EVC2: variants seen among roughly 807,000 people sequenced by gnomAD.
EVC2 encodes limbin.
Under a neutral mutation model 149.3 loss-of-function variants are expected in EVC2, and 148 were observed. That is an observed-to-expected ratio of 0.99 (90% CI 0.87 to 1.14). The LOEUF (loss-of-function observed/expected upper bound fraction) is 1.14, where lower values mean the gene tolerates loss of function less well. Among genes scored for constraint, EVC2 ranks in the 50% most tolerant of loss-of-function variants. EVC2 has a pLI of 0.00. For missense variants in EVC2, 1,854 were observed against 1,627.3 expected (o/e 1.14, Z -2.40); for synonymous variants, 776 against 649.9 (o/e 1.19, Z -2.95).
intron 21 of EVC2, among the ~76,000 whole-genome samples, chr4:5,549,858 G>A (rs1721699739): frequency 6.6e-6 from 1 of 152,170 alleles, no homozygotes; most frequent in Admixed American, 6.5e-5. Context: ...GGAGGTAATT[G>A]AATCATGGGG....
rs963989955 is a variant in EVC2 at position 5,596,592 on chromosome 4, C to T, written c.2830-11742G>A. ...GCAGTGTGTAGAGGGAAACTTATAG[C>T]ACTAAACGCCCACAAGAGAAAGCAG... On this transcript the variant is annotated intron_variant, in intron 16 of 21. Coordinates refer to ENST00000344408, the MANE Select transcript of EVC2 (RefSeq NM_147127.5). Among the ~76,000 whole-genome samples, 13 of 152,106 alleles carry T rather than the reference C, an allele frequency of 8.5e-5. 1 individual carries two copies. In the South Asian group the frequency reaches 1.9e-3, roughly 22 times the overall value.
intron 16 of EVC2, among the ~76,000 whole-genome samples, chr4:5,615,151 T>C (rs1353727769): frequency 6.6e-6 from 1 of 152,096 alleles, no homozygotes; most frequent in Non-Finnish European, 1.5e-5. Context: ...ACTCAGCCAG[T>C]GGAGGCAGCA....
chr4:5,579,611 G>A (rs558892239), intron 17 of EVC2, among the ~76,000 whole-genome samples: 1 of 152,212 alleles, frequency 6.6e-6, no homozygotes. Context: ...GGAGGCCAAG[G>A]TGGGAGGATC....
chr4:5,639,392 C>A (rs1717144363), intron 10 of EVC2, among the ~76,000 whole-genome samples: 1 of 152,218 alleles, frequency 6.6e-6, no homozygotes, highest in South Asian at 2.1e-4. Flanking sequence ...TCTTTCAAGG[C>A]AGCAACTGAC....
At chr4:5,668,849 A>T (rs1029447758) in intron 7 of EVC2, among the ~76,000 whole-genome samples, 18 of 152,242 alleles carry the variant, frequency 1.2e-4, no homozygotes, top group African/African-American at 4.3e-4. Context: ...CCAAAAAGAC[A>T]TGTTGAAGTC....
At chr4:5,602,664 C>T (rs1420479366) in intron 16 of EVC2, among the ~76,000 whole-genome samples, 1 of 151,988 alleles carries the variant, frequency 6.6e-6, no homozygotes, top group African/African-American at 2.4e-5. Flanking sequence ...CCACAAGATT[C>T]AACTGTAGGT....
rs571933194 is a variant in EVC2 at position 5,602,291 on chromosome 4, T to TAAA, written c.2829+13128_2829+13130dup. ...AGCTACAGAGCAAGACATTGCCTCT[T>TAAA]AAAAAAAAAAAAAAAAAAAAAAAGT... On this transcript the variant is annotated intron_variant, in intron 16 of 21. Coordinates refer to ENST00000344408, the MANE Select transcript of EVC2 (RefSeq NM_147127.5). 1.0e-3 allele frequency among the ~76,000 whole-genome samples: 83 copies of TAAA among 81,682 alleles called. 1 individual carries two copies. The highest frequency in any genetic ancestry group is 4.0e-3 in the African/African-American group (80 of 19,908). The allele number at this position is 81,682 out of a possible 152,430, so 53.6% of individuals were successfully genotyped here.
intron 6 of EVC2, among the ~76,000 whole-genome samples, chr4:5,684,819 T>C (rs959712810): frequency 2.6e-5 from 4 of 152,092 alleles, no homozygotes; most frequent in African/African-American, 9.7e-5. Context: ...TGGGTCATGG[T>C]CTTGTATGCC....
intron 21 of EVC2, among the ~76,000 whole-genome samples, chr4:5,550,081 C>T (rs1721707481): frequency 6.6e-6 from 1 of 152,090 alleles, no homozygotes; most frequent in African/African-American, 2.4e-5. Flanking sequence ...TATAAATTGC[C>T]CAGTCTCGGA....
rs1722060400 is a variant in EVC2 at position 5,563,103 on chromosome 4, C to A, written c.3672G>T (p.Lys1224Asn). The change falls in exon 22 of 22, where the codon AAG becomes AAT. Residue 1224 changes from lysine to asparagine, a missense_variant. Lys to Asn is a moderately conservative substitution (Grantham distance 94, BLOSUM62 0). Transcript: ENST00000344408. ...ARKRKQSILK[K>N]TCLPLRERMI... is the part of the protein sequence containing the mutation. ...TCCTCTCTCTGAGAGGGAGACATGTCTTCTTTAATATGCTAAAGAAATAGC... is the reference window on the plus strand; with the variant it reads ...TCCTCTCTCTGAGAGGGAGACATGTATTCTTTAATATGCTAAAGAAATAGC... 3 of 1,613,802 alleles carry A rather than the reference C, an allele frequency of 1.9e-6. No individual in the cohort carries two copies. The highest frequency in any genetic ancestry group is 2.5e-6 in the Non-Finnish European group (3 of 1,179,998).
In EVC2 at chr4:5,679,222, C is replaced by T. The variant is rs528471434; in HGVS notation, c.870+2038G>A. Among the ~76,000 whole-genome samples, 1 of 152,064 alleles carries T rather than the reference C, an allele frequency of 6.6e-6. No homozygotes were observed. Among genetic ancestry groups the T allele is most frequent in the East Asian group, 1.9e-4 (1 of 5,162 alleles). Reference sequence around the variant, plus strand: ...CTATAGACTTTAGAAACACTGTACCCTTAGGCTACACTACATTTATTTATT... The same window carrying T: ...CTATAGACTTTAGAAACACTGTACCTTTAGGCTACACTACATTTATTTATT... On this transcript the variant is annotated intron_variant, in intron 7 of 21. Transcript: ENST00000344408. The surrounding 1 kb of genome is among the most constrained non-coding windows in gnomAD (Gnocchi z 5.1).
At position 5,622,504 on chromosome 4, in the gene EVC2, G is replaced by A. The variant is rs1183193780; in HGVS notation, c.2501+33C>T. ...AATCTCCCTGGCATCAACGGGATGG[G>A]GAGGGGTGATTACGACCCGCAAAGG... On this transcript the variant is annotated intron_variant, in intron 14 of 21. Transcript: ENST00000344408. The surrounding 1 kb of genome is among the most constrained non-coding windows in gnomAD (Gnocchi z 5.8). 6.2e-7 allele frequency: 1 copy of A among 1,606,146 alleles called. No homozygotes were observed. The highest frequency in any genetic ancestry group is 8.5e-7 in the Non-Finnish European group (1 of 1,176,042).
chr4:5,585,008 G>T (rs918351896), intron 16 of EVC2, among the ~76,000 whole-genome samples, 158 bp from the exon 17 acceptor site: 2 of 152,162 alleles, frequency 1.3e-5, no homozygotes, highest in Non-Finnish European at 2.9e-5. Context: ...AGCAACATCA[G>T]AAAAGGCTGT....
At chr4:5,671,624 G>A (rs1027080392) in intron 7 of EVC2, among the ~76,000 whole-genome samples, 1 of 152,162 alleles carries the variant, frequency 6.6e-6, no homozygotes, top group Non-Finnish European at 1.5e-5. Context: ...CGATTCTCCT[G>A]CCTCAGCCTT....
chr4:5,651,982 C>T (rs115171236), intron 9 of EVC2, among the ~76,000 whole-genome samples: 2 of 152,344 alleles, frequency 1.3e-5, no homozygotes, highest in Admixed American at 1.3e-4. Context: ...GGCTAAACAG[C>T]CTTAGGCATC....
chr4:5,592,803 G>T (rs1712933191), intron 16 of EVC2, among the ~76,000 whole-genome samples: 1 of 152,208 alleles, frequency 6.6e-6, no homozygotes, highest in South Asian at 2.1e-4. Context: ...CCAAGTGCTG[G>T]CAGGTCACTG....
In EVC2 at chr4:5,576,534, T is replaced by C; in HGVS notation, c.3058-80A>G. ...AGGACAAAATCTGACCTCCTGGGTG[T>C]CTTGCTACAAGTCTGGCATGACTCT... On this transcript the variant is annotated intron_variant, in intron 17 of 21. Transcript: ENST00000344408. This position sits in a 1 kb window ranked among gnomAD's most constrained non-coding sequence, Gnocchi z 4.5. 6.5e-7 allele frequency: 1 copy of C among 1,535,060 alleles called. No homozygotes were observed. The highest frequency in any genetic ancestry group is 2.0e-5 in the Admixed American group (1 of 51,002).
At chr4:5,565,663 A>G (rs1392649207) in intron 20 of EVC2, among the ~76,000 whole-genome samples, 1 of 145,870 alleles carries the variant, frequency 6.9e-6, no homozygotes, top group Non-Finnish European at 1.5e-5. Context: ...ACAGAGTGAG[A>G]CTCCATCTCA....
Position 5,637,960 on chromosome 4 carries a change from T to TA in EVC2, c.1470+2553dup, listed in dbSNP as rs1717003735. Among the ~76,000 whole-genome samples, 3 of 152,224 alleles carry TA rather than the reference T, an allele frequency of 2.0e-5. No individual in the cohort carries two copies. The highest frequency in any genetic ancestry group is 4.8e-5 in the African/African-American group (2 of 41,554). ...TGATTTTTAAAACTCTTTAAAAATG[T>TA]AAAAAAACATTCTCAACTTGCAGGC... On this transcript the variant is annotated intron_variant, in intron 10 of 21. Transcript: ENST00000344408. This position sits in a 1 kb window ranked among gnomAD's most constrained non-coding sequence, Gnocchi z 4.4.
Sources: gnomAD v4.1 joint callset for allele counts (sites outside exome capture counted in the v4.1 genomes callset) on GRCh38, gnomAD v4.1.1 for gene constraint, Gnocchi (gnomAD v3.1) non-coding constraint, MANE v1.5 for transcripts, NCBI Gene and HGNC (gene_info 2026-07-23, HGNC 2026-07-21) for gene names.